CDYL2: variants seen among roughly 807,000 people sequenced by gnomAD.
CDYL2 encodes chromodomain Y like 2.
Under a neutral mutation model 49.4 loss-of-function variants are expected in CDYL2, and 23 were observed. The ratio of observed to expected loss-of-function variants is 0.47; its 90% confidence interval spans 0.34 to 0.66. CDYL2 has a LOEUF of 0.66. Among genes scored for constraint, CDYL2 ranks in the 30% least tolerant of loss-of-function variants. The pLI is 0.01. For synonymous variants in CDYL2, 360 were observed against 268.8 expected (o/e 1.34, Z -3.32); for missense variants, 678 against 656.4 (o/e 1.03, Z -0.36).
At chr16:80,787,002 G>A (rs1424492710) in intron 1 of CDYL2, among the ~76,000 whole-genome samples, 1 of 151,968 alleles carries the variant, frequency 6.6e-6, no homozygotes, top group African/African-American at 2.4e-5. Flanking sequence ...AAACCACCAT[G>A]GCACGTGCAT....
At chr16:80,604,585 G>A in intron 6 of CDYL2, 39 bp from the exon 7 acceptor site, 1 of 1,611,024 alleles carries the variant, frequency 6.2e-7, no homozygotes, top group Non-Finnish European at 8.5e-7. Flanking sequence ...CCGGGCACCA[G>A]GGACTCTGCT....
Position 80,684,918 on chromosome 16 carries a change from C to T in CDYL2, c.236G>A (p.Arg79His), listed in dbSNP as rs774232446. The stretch of plus-strand genomic sequence containing the variant: ...CTCAACCGACGGGCCTCGACTGTCA[C>T]GCAGCAGCTTGGAGGTACTGGACTG... ...GKQSSTSKLLRDSRGPSVEKL... is the reference protein window; with the variant it reads ...GKQSSTSKLLHDSRGPSVEKL... Residue 79 changes from arginine to histidine, a missense_variant, in exon 2 of 7, where the codon CGT (arginine) becomes CAT (histidine). Around this residue, in one of 3 missense-constraint regions of CDYL2, gnomAD observed 478 missense variants for 427.0 expected, o/e 1.12. Transcript: ENST00000570137. 306 of 1,614,038 alleles carry T rather than the reference C, an allele frequency of 1.9e-4. No individual in the cohort carries two copies. The highest frequency in any genetic ancestry group is 2.4e-4 in the Non-Finnish European group (284 of 1,180,038).
At chr16:80,617,202 G>T (rs1760384548) in intron 4 of CDYL2, among the ~76,000 whole-genome samples, 1 of 152,200 alleles carries the variant, frequency 6.6e-6, no homozygotes, top group Non-Finnish European at 1.5e-5. Context: ...ACCAGTCCCA[G>T]TCACGTGTAT....
At chr16:80,747,978 C>T (rs940049878) in intron 1 of CDYL2, among the ~76,000 whole-genome samples, 2 of 151,884 alleles carry the variant, frequency 1.3e-5, no homozygotes, top group African/African-American at 4.8e-5. Context: ...TTCATTTTCT[C>T]CACTAAACCA....
chr16:80,723,517 C>A (rs1208882126), intron 1 of CDYL2, among the ~76,000 whole-genome samples: 4 of 152,212 alleles, frequency 2.6e-5, no homozygotes, highest in Non-Finnish European at 4.4e-5. Context: ...AGAGCCACCA[C>A]AGCCCAGGTG....
rs184817227 is a variant in CDYL2 at position 80,799,030 on chromosome 16, T to G, written c.24+5120A>C. ...TACATTATCTATATATAGATATATA[T>G]AGATATATAGATATTTAAGTGAAAA... On this transcript the variant is annotated intron_variant, in intron 1 of 6. Coordinates refer to ENST00000570137, the MANE Select transcript of CDYL2 (RefSeq NM_152342.4). 3.3e-3 allele frequency among the ~76,000 whole-genome samples: 508 copies of G among 151,866 alleles called. 1 individual carries two copies. The highest frequency in any genetic ancestry group is 4.6e-3 in the South Asian group (22 of 4,826).
intron 1 of CDYL2, among the ~76,000 whole-genome samples, chr16:80,782,119 C>G (rs946015713): frequency 2.0e-5 from 3 of 151,210 alleles, no homozygotes; most frequent in Non-Finnish European, 3.0e-5. Flanking sequence ...GAAAGACCAA[C>G]AAAATTAATA....
chr16:80,640,781 G>T (rs1029462134), intron 2 of CDYL2, among the ~76,000 whole-genome samples: 1 of 152,158 alleles, frequency 6.6e-6, no homozygotes. Context: ...AGCAGAAATT[G>T]TGTAGCTAAA....
chr16:80,713,260 T>C (rs1416893285), intron 1 of CDYL2, among the ~76,000 whole-genome samples: 2 of 152,214 alleles, frequency 1.3e-5, no homozygotes, highest in South Asian at 2.1e-4. Flanking sequence ...AATATGTAGC[T>C]GGATGAAGTT....
At chr16:80,746,721 G>A (rs1218944400) in intron 1 of CDYL2, among the ~76,000 whole-genome samples, 2 of 152,138 alleles carry the variant, frequency 1.3e-5, no homozygotes, top group African/African-American at 2.4e-5. Context: ...GGGGCAGGGG[G>A]AGGGACACCA....
At chr16:80,652,961 C>T (rs925911706) in intron 2 of CDYL2, among the ~76,000 whole-genome samples, 1 of 152,136 alleles carries the variant, frequency 6.6e-6, no homozygotes, top group Non-Finnish European at 1.5e-5. Flanking sequence ...TCTGAATATT[C>T]CCTGAATGGG....
At chr16:80,720,837 C>A (rs1451443541) in intron 1 of CDYL2, among the ~76,000 whole-genome samples, 1 of 152,076 alleles carries the variant, frequency 6.6e-6, no homozygotes, top group African/African-American at 2.4e-5. Flanking sequence ...AAAAATATAC[C>A]CTGAGAGCCG....
intron 1 of CDYL2, among the ~76,000 whole-genome samples, chr16:80,763,717 G>C (rs189094386): frequency 1.3e-5 from 2 of 152,336 alleles, no homozygotes; most frequent in East Asian, 1.9e-4. Flanking sequence ...ATTAATCTTG[G>C]TTCAGTACAA....
At chr16:80,759,353 TA>T (rs1360497376) in intron 1 of CDYL2, among the ~76,000 whole-genome samples, 5 of 151,892 alleles carry the variant, frequency 3.3e-5, no homozygotes, top group African/African-American at 1.2e-4. Context: ...GTTAATGTTT[TA>T]AAAATTGTGA....
chr16:80,708,579 C>A (rs1344437152), intron 1 of CDYL2, among the ~76,000 whole-genome samples: 2 of 152,164 alleles, frequency 1.3e-5, no homozygotes, highest in African/African-American at 4.8e-5. Flanking sequence ...AAGAAGCCAA[C>A]CCCATCCCAT....
At chr16:80,645,650 A>G (rs1908306693) in intron 2 of CDYL2, among the ~76,000 whole-genome samples, 1 of 152,124 alleles carries the variant, frequency 6.6e-6, no homozygotes, top group Non-Finnish European at 1.5e-5. Flanking sequence ...TATCCAAAGG[A>G]TTATAAATCA....
At chr16:80,767,710 T>C (rs894744767) in intron 1 of CDYL2, among the ~76,000 whole-genome samples, 1 of 152,196 alleles carries the variant, frequency 6.6e-6, no homozygotes, top group Non-Finnish European at 1.5e-5. Flanking sequence ...AGTCACAGGA[T>C]GCTGGAGAAT....
At chr16:80,692,261 A>C (rs967524506) in intron 1 of CDYL2, among the ~76,000 whole-genome samples, 2 of 152,206 alleles carry the variant, frequency 1.3e-5, no homozygotes, top group Admixed American at 6.5e-5. Context: ...CATTTCAAAA[A>C]ACTGAATTAT....
At chr16:80,798,503 A>G (rs1026021114) in intron 1 of CDYL2, among the ~76,000 whole-genome samples, 1 of 152,210 alleles carries the variant, frequency 6.6e-6, no homozygotes, top group Non-Finnish European at 1.5e-5. Flanking sequence ...ATGAACAGAA[A>G]ATATATTTTC....
Sources: gnomAD v4.1 joint callset for allele counts (sites outside exome capture counted in the v4.1 genomes callset) on GRCh38, gnomAD v4.1.1 for gene constraint, gnomAD v4.1.1 regional missense constraint, MANE v1.5 for transcripts, NCBI Gene and HGNC (gene_info 2026-07-23, HGNC 2026-07-21) for gene names.